PRICKLE2: variants seen among roughly 807,000 people sequenced by gnomAD.
PRICKLE2 encodes the protein prickle-like protein 2.
PRICKLE2 carries 21 observed loss-of-function variants against 81.4 expected under a neutral mutation model. The ratio of observed to expected loss-of-function variants is 0.26; its 90% CI spans 0.18 to 0.37. The LOEUF (loss-of-function observed/expected upper bound fraction) is 0.37. Among genes scored for constraint, PRICKLE2 ranks in the 10% least tolerant of loss-of-function variants. PRICKLE2 has a pLI of 1.00. For synonymous variants in PRICKLE2, 456 were observed against 421.5 expected (o/e 1.08, Z -1.00); for missense variants, 940 against 1,109.0 (o/e 0.85, Z 2.16).
At chr3:64,187,384 T>G (rs534125065) in intron 2 of PRICKLE2, among the ~76,000 whole-genome samples, 49 of 152,318 alleles carry the variant, frequency 3.2e-4, no homozygotes, top group African/African-American at 1.1e-3. Context: ...AGCCTCCTCC[T>G]GCCCTGCCCC....
At chr3:64,159,836 A>G in intron 4 of PRICKLE2, 104 bp downstream of exon 4, 1 of 1,442,870 alleles carries the variant, frequency 6.9e-7, no homozygotes. Context: ...TCACTACTGT[A>G]TCTCAGGCAC....
At chr3:64,219,934 C>T (rs2078926112) in intron 1 of PRICKLE2, among the ~76,000 whole-genome samples, 2 of 152,162 alleles carry the variant, frequency 1.3e-5, no homozygotes, top group East Asian at 3.9e-4. Context: ...TGCATGATTG[C>T]TGTAAGAATT....
chr3:64,216,265 G>A (rs1370725101), intron 1 of PRICKLE2, among the ~76,000 whole-genome samples: 1 of 152,212 alleles, frequency 6.6e-6, no homozygotes, highest in Non-Finnish European at 1.5e-5. Context: ...CTTAAAATCT[G>A]ATGAAAGCTG....
intron 7 of PRICKLE2, among the ~76,000 whole-genome samples, chr3:64,105,274 C>G (rs1048081091): frequency 2.0e-5 from 3 of 152,132 alleles, no homozygotes; most frequent in Non-Finnish European, 4.4e-5. Flanking sequence ...TGCACTTGAC[C>G]CTTTTTTAAA....
At chr3:64,184,678 C>A (rs1250881930) in intron 2 of PRICKLE2, among the ~76,000 whole-genome samples, 2 of 152,080 alleles carry the variant, frequency 1.3e-5, no homozygotes, top group Non-Finnish European at 2.9e-5. Context: ...CGCTATGCTG[C>A]CCAGGCTGGT....
intron 7 of PRICKLE2, chr3:64,100,824 G>A (rs1477138337): frequency 1.3e-5 from 2 of 152,228 alleles, no homozygotes; most frequent in African/African-American, 4.8e-5. Context: ...TCTCTAAGGA[G>A]ATGTTTAAGA....
At chr3:64,110,724 T>G (rs779828621) in intron 7 of PRICKLE2, among the ~76,000 whole-genome samples, 1 of 151,860 alleles carries the variant, frequency 6.6e-6, no homozygotes, top group Non-Finnish European at 1.5e-5. Flanking sequence ...CCACGAGCTC[T>G]AAGATGTAGC....
intron 2 of PRICKLE2, among the ~76,000 whole-genome samples, chr3:64,197,858 A>T (rs183754506): frequency 7.2e-4 from 103 of 142,374 alleles, no homozygotes; most frequent in African/African-American, 2.1e-3. Flanking sequence ...AAATAAAGTT[A>T]AAAAAAAAAA....
At chr3:64,169,860 G>A (rs1242071780) in intron 2 of PRICKLE2, among the ~76,000 whole-genome samples, 2 of 152,150 alleles carry the variant, frequency 1.3e-5, no homozygotes, top group Non-Finnish European at 2.9e-5. Flanking sequence ...ATCTCAGAAG[G>A]CAGGTTGTAC....
At chr3:64,258,893 G>GAAAGAAATAAATAAATAAATAAAT (rs796940955) in intron 2 of PRICKLE2, among the ~76,000 whole-genome samples, 6 of 141,066 alleles carry the variant, frequency 4.3e-5, no homozygotes, top group African/African-American at 1.7e-4. Flanking sequence ...AAGAAAGAAA[G>GAAAGAAATAAATAAATAAATAAAT]AAATCAGGAG....
rs147321723 is a variant in PRICKLE2, at chr3:64,216,468, C to T, written c.-41+8442G>A. ...AAACTACCCACAGGGCCAAAGTCAGCGCCTTACATCTCGCAGATGCTCAAT... is the reference window on the plus strand; with the variant it reads ...AAACTACCCACAGGGCCAAAGTCAGTGCCTTACATCTCGCAGATGCTCAAT... On this transcript the variant is annotated intron_variant, in intron 1 of 7. Transcript: ENST00000638394. Among the ~76,000 whole-genome samples the T allele has an allele frequency of 1.8e-3, 277 of 152,328 alleles. 1 individual carries two copies. The highest frequency in any genetic ancestry group is 2.1e-3 in the Non-Finnish European group (140 of 68,032).
intron 7 of PRICKLE2, among the ~76,000 whole-genome samples, chr3:64,128,841 C>A (rs2077154284): frequency 6.6e-6 from 1 of 151,768 alleles, no homozygotes; most frequent in Admixed American, 6.6e-5. Flanking sequence ...TATCCCCTCC[C>A]TCTCTCCTCC....
intron 2 of PRICKLE2, among the ~76,000 whole-genome samples, chr3:64,191,942 C>G (rs1212715659): frequency 2.0e-5 from 3 of 152,168 alleles, no homozygotes; most frequent in Admixed American, 6.5e-5. Flanking sequence ...TCCCACCCTG[C>G]TCCAGACCCA....
intron 2 of PRICKLE2, among the ~76,000 whole-genome samples, chr3:64,197,485 A>T (rs1164021115): frequency 6.6e-6 from 1 of 152,226 alleles, no homozygotes; most frequent in African/African-American, 2.4e-5. Context: ...TAGAGTCTAC[A>T]TATTAGACTC....
At chr3:64,128,918 A>AT (rs3055735) in intron 7 of PRICKLE2, among the ~76,000 whole-genome samples, 52 of 149,960 alleles carry the variant, frequency 3.5e-4, no homozygotes, top group Middle Eastern at 3.5e-3. Context: ...GGGATTTTTT[A>AT]TTTTTTTTTT....
intron 2 of PRICKLE2, among the ~76,000 whole-genome samples, chr3:64,246,243 A>AAAAAAC (rs909249623): frequency 2.0e-5 from 3 of 152,156 alleles, no homozygotes; most frequent in Non-Finnish European, 4.4e-5. Context: ...CTCCATCTCA[A>AAAAAAC]AAAAACAAAA....
At chr3:64,195,691 A>C (rs1199216972) in intron 2 of PRICKLE2, among the ~76,000 whole-genome samples, 1 of 152,220 alleles carries the variant, frequency 6.6e-6, no homozygotes, top group East Asian at 1.9e-4. Context: ...AAAACCTTTA[A>C]ATTCATAAAC....
Position 64,177,782 on chromosome 3 carries a change from C to T in PRICKLE2, c.145-14653G>A, listed in dbSNP as rs1226479406. On this transcript the variant is annotated intron_variant, in intron 2 of 7. Coordinates refer to ENST00000638394, the MANE Select transcript of PRICKLE2 (RefSeq NM_198859.4). ...ATTATTTCACTGCATGTATATACCA[C>T]ATTTTGTTTATCCATTTTTATCTGT... 2.0e-5 allele frequency among the ~76,000 whole-genome samples: 3 copies of T among 152,200 alleles called. No individual in the cohort carries two copies. The East Asian group carries it at 5.8e-4, about 29-fold the overall frequency.
At chr3:64,228,613 G>A (rs1280291247), upstream of PRICKLE2, among the ~76,000 whole-genome samples, 2 of 151,768 alleles carry the variant, frequency 1.3e-5, no homozygotes, top group Admixed American at 6.6e-5. Flanking sequence ...CAGAGACTTA[G>A]TAAATAGGAA....
Sources: gnomAD v4.1 joint callset for allele counts (sites outside exome capture counted in the v4.1 genomes callset) on GRCh38, gnomAD v4.1.1 for gene constraint, MANE v1.5 for transcripts, NCBI Gene and HGNC (gene_info 2026-07-23, HGNC 2026-07-21) for gene names.